Variants in TFB1M observed in about 807,000 individuals in gnomAD.
The protein encoded by TFB1M is dimethyladenosine transferase 1, mitochondrial.
TFB1M carries 27 observed loss-of-function variants against 31.1 expected under a neutral mutation model. The ratio of observed to expected loss-of-function variants is 0.87; its 90% CI spans 0.64 to 1.20. The LOEUF (loss-of-function observed/expected upper bound fraction) is 1.20, where lower values mean the gene tolerates loss of function less well. TFB1M is among the 50% of genes most tolerant of loss of function. The probability of loss-of-function intolerance (pLI) is 0.00; values close to 1 mark genes in which losing one functional copy is unlikely to be tolerated. For missense variants in TFB1M, 394 were observed against 418.7 expected, an observed-to-expected ratio of 0.94 and a Z score of 0.51; for synonymous variants, 166 against 151.8, an observed-to-expected ratio of 1.09 and a Z score of -0.69.
chr6:155,314,211 C>A (rs1264110866), intron 1 of TFB1M, 85 bp downstream of exon 1: 2 of 1,576,612 alleles, frequency 1.3e-6, no homozygotes, highest in Non-Finnish European at 1.7e-6. Flanking sequence ...CCTGGACACC[C>A]GCCCGCGGGG....
At chr6:155,254,652 G>C, downstream of TFB1M, 1 of 1,530,938 alleles carries the variant, frequency 6.5e-7, no homozygotes, top group East Asian at 2.3e-5. Context: ...TTGTAACATA[G>C]CTGTGACTTT....
At chr6:155,266,691 C>T (rs1784647991) in intron 5 of TFB1M, among the ~76,000 whole-genome samples, 1 of 151,590 alleles carries the variant, frequency 6.6e-6, no homozygotes, top group Non-Finnish European at 1.5e-5. Context: ...CTAAAAAATA[C>T]AAAAAATTAG....
At chr6:155,244,120 TTA>T in the TFB1M span, 1 of 1,571,076 alleles carries the variant, frequency 6.4e-7, no homozygotes, top group African/African-American at 1.4e-5. Context: ...GATCCACAGG[TTA>T]GTCTCTGTTT....
chr6:155,251,944 G>C, downstream of TFB1M: 1 of 1,602,426 alleles, frequency 6.2e-7, no homozygotes, highest in Non-Finnish European at 8.5e-7. Flanking sequence ...CCTTTCTTTA[G>C]TTTTTAAGAG....
At chr6:155,231,640 C>A in the TFB1M span, among the ~76,000 whole-genome samples, 1 of 152,234 alleles carries the variant, frequency 6.6e-6, no homozygotes, top group Non-Finnish European at 1.5e-5. Context: ...AGCTTCCCCC[C>A]AAGCACTAAA....
the TFB1M span, among the ~76,000 whole-genome samples, chr6:155,237,937 CTT>C: frequency 5.3e-5 from 8 of 152,144 alleles, no homozygotes; most frequent in African/African-American, 1.9e-4. Flanking sequence ...TTCAGTCCCT[CTT>C]TACTTATGCA....
chr6:155,313,686 TA>T (rs1268965899), intron 1 of TFB1M, among the ~76,000 whole-genome samples: 2 of 152,204 alleles, frequency 1.3e-5, no homozygotes, highest in East Asian at 3.8e-4. Context: ...TGTGGGAATG[TA>T]AACTTGCTAA....
chr6:155,250,367 G>T, the TFB1M span, among the ~76,000 whole-genome samples: 1 of 147,126 alleles, frequency 6.8e-6, no homozygotes, highest in East Asian at 2.1e-4. Flanking sequence ...AGCAGGATTT[G>T]ACATTTTCTG....
intron 5 of TFB1M, 187 bp from the exon 6 acceptor site, chr6:155,260,587 T>C (rs975759996): frequency 3.0e-5 from 21 of 709,406 alleles, no homozygotes; most frequent in South Asian, 2.6e-4. Context: ...GCAAATGACA[T>C]GGAGAAATCA....
chr6:155,258,575 C>T (rs942446468), intron 6 of TFB1M, among the ~76,000 whole-genome samples: 3 of 151,932 alleles, frequency 2.0e-5, no homozygotes, highest in Non-Finnish European at 2.9e-5. Context: ...ATAATTATTC[C>T]TCTTGTTATT....
intron 6 of TFB1M, among the ~76,000 whole-genome samples, 167 bp from the exon 7 acceptor site, chr6:155,258,249 C>A (rs141337640): frequency 6.6e-6 from 1 of 152,144 alleles, no homozygotes; most frequent in South Asian, 2.1e-4. Context: ...ATAAGAGGCA[C>A]GGCCCGCCAC....
At chr6:155,244,750 C>G in the TFB1M span, 12 of 1,613,698 alleles carry the variant, frequency 7.4e-6, no homozygotes, top group Admixed American at 1.7e-5. Flanking sequence ...CATCATCTGA[C>G]TTTAACACCC....
At chr6:155,311,400 T>G in intron 1 of TFB1M, 61 bp from the exon 2 acceptor site, 1 of 1,440,492 alleles carries the variant, frequency 6.9e-7, no homozygotes, top group Non-Finnish European at 9.7e-7. Flanking sequence ...GTATGAAATT[T>G]AGAGAGAAAA....
chr6:155,256,003 C>T (rs1162272472), downstream of TFB1M: 1 of 170,100 alleles, frequency 5.9e-6, no homozygotes, highest in African/African-American at 3.8e-5. Flanking sequence ...GAGCAAGACA[C>T]TGTCTTTAAA....
At chr6:155,281,097 C>T (rs1185859511) in intron 5 of TFB1M, among the ~76,000 whole-genome samples, 2 of 152,156 alleles carry the variant, frequency 1.3e-5, no homozygotes, top group Admixed American at 1.3e-4. Flanking sequence ...CAGAATACTA[C>T]AACTTAGTCC....
chr6:155,229,892 T>C, the TFB1M span, among the ~76,000 whole-genome samples: 3 of 151,882 alleles, frequency 2.0e-5, no homozygotes, highest in African/African-American at 7.2e-5. Context: ...GAACTGCCCT[T>C]TATAAAACCA....
At chr6:155,249,910 G>A in the TFB1M span, 1 of 1,614,170 alleles carries the variant, frequency 6.2e-7, no homozygotes, top group Non-Finnish European at 8.5e-7. Context: ...GAAGATCTAT[G>A]AGGATTATGG....
At chr6:155,273,443 T>C (rs942730494) in intron 5 of TFB1M, among the ~76,000 whole-genome samples, 4 of 152,250 alleles carry the variant, frequency 2.6e-5, no homozygotes, top group South Asian at 2.1e-4. Flanking sequence ...ACTTTAAATA[T>C]AGGCAATGGA....
intron 3 of TFB1M, 51 bp from the exon 4 acceptor site, chr6:155,297,155 A>C (rs1372075191): frequency 6.3e-7 from 1 of 1,581,638 alleles, no homozygotes; most frequent in South Asian, 1.1e-5. Flanking sequence ...ATATATTCTG[A>C]ATACAATTTC....
Sources: gnomAD v4.1 joint callset for allele counts (sites outside exome capture counted in the v4.1 genomes callset) on GRCh38, gnomAD v4.1.1 for gene constraint, MANE v1.5 for transcripts, NCBI Gene and HGNC (gene_info 2026-07-23, HGNC 2026-07-21) for gene names.